Variants in MITF observed in about 807,000 individuals in gnomAD.
MITF encodes microphthalmia-associated transcription factor.
Under a neutral mutation model 60.5 loss-of-function variants are expected in MITF, and 17 were observed. That is an observed-to-expected ratio of 0.28 (90% CI 0.19 to 0.42). The LOEUF is 0.42. Ranked by LOEUF, MITF falls within the 10% of genes least tolerant of loss-of-function variation. The pLI is 1.00. For missense variants in MITF, 622 were observed against 683.5 expected, an observed-to-expected ratio of 0.91 and a Z score of 1.00; for synonymous variants, 260 against 248.5, an observed-to-expected ratio of 1.05 and a Z score of -0.43.
chr3:69,886,779 T>C (rs2064629553), intron 2 of MITF, among the ~76,000 whole-genome samples: 1 of 152,102 alleles, frequency 6.6e-6, no homozygotes, highest in African/African-American at 2.4e-5. Context: ...CCCGTGGTAA[T>C]TTATGCTTTA....
At chr3:69,899,584 G>T (rs915118037) in intron 2 of MITF, among the ~76,000 whole-genome samples, 1 of 152,100 alleles carries the variant, frequency 6.6e-6, no homozygotes, top group Non-Finnish European at 1.5e-5. Context: ...CTCATCTCAG[G>T]GGGTTATCAT....
At chr3:69,894,924 A>G (rs1402447870) in intron 2 of MITF, among the ~76,000 whole-genome samples, 1 of 152,178 alleles carries the variant, frequency 6.6e-6, no homozygotes, top group Non-Finnish European at 1.5e-5. Flanking sequence ...CCAGTCTTGC[A>G]AAGTTCACTA....
At chr3:69,798,532 A>C (rs575303157) in intron 1 of MITF, among the ~76,000 whole-genome samples, 23 of 152,308 alleles carry the variant, frequency 1.5e-4, no homozygotes, top group Middle Eastern at 6.8e-3. Context: ...TGTGGTTGTT[A>C]TTGTCATTTT....
At chr3:69,835,969 C>G (rs978311795) in intron 1 of MITF, among the ~76,000 whole-genome samples, 3 of 151,740 alleles carry the variant, frequency 2.0e-5, no homozygotes, top group African/African-American at 7.3e-5. Flanking sequence ...TTTTTGTGAT[C>G]TCATATGAAT....
chr3:69,830,188 C>A (rs1208679612), intron 1 of MITF, among the ~76,000 whole-genome samples: 1 of 152,114 alleles, frequency 6.6e-6, no homozygotes, highest in Non-Finnish European at 1.5e-5. Flanking sequence ...TCATGACCCT[C>A]AAAGTCAAAG....
chr3:69,907,346 AT>A (rs201552367), intron 2 of MITF, among the ~76,000 whole-genome samples: 2,330 of 152,310 alleles, frequency 0.015, 28 homozygotes, highest in Middle Eastern at 0.051. Context: ...GAATAAATAA[AT>A]GAACGAGTTA....
intron 1 of MITF, among the ~76,000 whole-genome samples, chr3:69,872,375 C>T (rs1383332410): frequency 6.6e-6 from 1 of 151,950 alleles, no homozygotes; most frequent in Non-Finnish European, 1.5e-5. Context: ...CCTGGAAGAG[C>T]ATTGTTCGTA....
At chr3:69,840,239 C>T (rs1196350970) in intron 1 of MITF, among the ~76,000 whole-genome samples, 1 of 152,152 alleles carries the variant, frequency 6.6e-6, no homozygotes, top group Admixed American at 6.5e-5. Flanking sequence ...GGTTTGCTTT[C>T]ACCCCTTCTC....
At chr3:69,815,381 C>T (rs1033226097) in intron 1 of MITF, among the ~76,000 whole-genome samples, 2 of 152,088 alleles carry the variant, frequency 1.3e-5, no homozygotes, top group African/African-American at 2.4e-5. Context: ...TCTGCCACTT[C>T]GGAGTCTGCA....
chr3:69,924,309 C>A (rs539041428), intron 2 of MITF, among the ~76,000 whole-genome samples: 10 of 152,254 alleles, frequency 6.6e-5, no homozygotes, highest in African/African-American at 2.4e-4. Flanking sequence ...CAAGTCAGAT[C>A]TCTTAGAAGA....
intron 5 of MITF, among the ~76,000 whole-genome samples, chr3:69,944,380 G>T (rs1490798053): frequency 6.6e-6 from 1 of 152,030 alleles, no homozygotes; most frequent in Non-Finnish European, 1.5e-5. Flanking sequence ...GAGCAGAGAG[G>T]CCATCTCAAG....
intron 1 of MITF, among the ~76,000 whole-genome samples, chr3:69,860,842 C>G (rs2107210963): frequency 6.6e-6 from 1 of 152,240 alleles, no homozygotes. Context: ...TGAAGGGCTT[C>G]CTTGGTTTCC....
intron 1 of MITF, among the ~76,000 whole-genome samples, chr3:69,776,062 A>T (rs2062469322): frequency 6.6e-6 from 1 of 152,244 alleles, no homozygotes; most frequent in Admixed American, 6.5e-5. Context: ...AAAGAGGTGG[A>T]AAATCTGATG....
At chr3:69,821,610 A>G (rs189217699) in intron 1 of MITF, among the ~76,000 whole-genome samples, 319 of 151,804 alleles carry the variant, frequency 2.1e-3, no homozygotes, top group Non-Finnish European at 3.7e-3. Context: ...CCTAGATTTA[A>G]AAAAAACTCA....
chr3:69,854,831 A>C (rs563491341), intron 1 of MITF, among the ~76,000 whole-genome samples: 1 of 152,316 alleles, frequency 6.6e-6, no homozygotes, highest in African/African-American at 2.4e-5. Context: ...AGACCTGTCA[A>C]ATGTCCCATG....
intron 2 of MITF, among the ~76,000 whole-genome samples, chr3:69,931,542 G>A (rs1378279387): frequency 6.6e-6 from 1 of 152,112 alleles, no homozygotes; most frequent in Non-Finnish European, 1.5e-5. Flanking sequence ...GATAGGGCTA[G>A]TCTAGTCTAT....
At chr3:69,817,831 G>A (rs1559649161) in intron 1 of MITF, among the ~76,000 whole-genome samples, 1 of 151,950 alleles carries the variant, frequency 6.6e-6, no homozygotes, top group Non-Finnish European at 1.5e-5. Context: ...TTGGCTCTAG[G>A]GGCTTGGTTC....
chr3:69,917,366 C>T (rs2065357944), intron 2 of MITF, among the ~76,000 whole-genome samples: 1 of 144,812 alleles, frequency 6.9e-6, no homozygotes, highest in East Asian at 2.1e-4. Context: ...TGACTTGATA[C>T]AGTTGCCTCC....
chr3:69,945,758 G>T (rs557220131), intron 5 of MITF, among the ~76,000 whole-genome samples: 6 of 152,258 alleles, frequency 3.9e-5, no homozygotes, highest in Non-Finnish European at 7.4e-5. Context: ...AGCATCCCTG[G>T]CCTTCACCCA....
Sources: allele counts gnomAD v4.1 joint callset (sites outside exome capture counted in the v4.1 genomes callset), GRCh38; gene constraint gnomAD v4.1.1; transcripts MANE v1.5; gene names NCBI Gene and HGNC (gene_info 2026-07-23, HGNC 2026-07-21).